Variants in TMEM59 observed in about 807,000 individuals in gnomAD.
The protein encoded by TMEM59 is dendritic cell factor 1.
Under a neutral mutation model 42.2 loss-of-function variants are expected in TMEM59, and 44 were observed. The observed-to-expected ratio is 1.04, with a 90% CI of 0.82 to 1.34. The LOEUF (loss-of-function observed/expected upper bound fraction) is 1.34. Among genes scored for constraint, TMEM59 ranks in the 40% most tolerant of loss-of-function variants. The pLI, the probability that TMEM59 is intolerant of heterozygous loss-of-function variation, is 0.00. For missense variants in TMEM59, 359 were observed against 382.8 expected (o/e 0.94, Z 0.52); for synonymous variants, 148 against 145.8 (o/e 1.02, Z -0.11).
rs1656646164 is a variant in TMEM59 at position 54,027,766 on chromosome 1, G to C, written c.*4384C>G. The C allele has an allele frequency of 7.0e-6, 1 of 143,630 alleles. No individual in the cohort carries two copies. Among genetic ancestry groups the C allele is most frequent in the Non-Finnish European group, 1.5e-5 (1 of 67,620 alleles). The allele number at this position is 143,630 out of a possible 1,614,324, so 8.9% of individuals were successfully genotyped here. ...AGCCTGAGTAACAGTGTGAGACTCT[G>C]TCTCAAAAAAAAAAAAAGTGAAATA... On this transcript the variant is annotated 3_prime_UTR_variant, in exon 8 of 8. Transcript: ENST00000234831.
intron 7 of TMEM59, among the ~76,000 whole-genome samples, chr1:54,032,887 T>C (rs1466554252): frequency 6.6e-6 from 1 of 151,124 alleles, no homozygotes; most frequent in Non-Finnish European, 1.5e-5. Flanking sequence ...CTTTTGAGAG[T>C]AGGTAGACTT....
chr1:54,040,901 A>T, intron 5 of TMEM59, 64 bp from the exon 6 acceptor site: 1 of 1,250,768 alleles, frequency 8.0e-7, no homozygotes, highest in Non-Finnish European at 1.2e-6. Flanking sequence ...TCACATGACT[A>T]CTTCTAGATA....
intron 1 of TMEM59, among the ~76,000 whole-genome samples, chr1:54,049,646 T>C (rs898514251): frequency 5.3e-5 from 8 of 152,168 alleles, no homozygotes; most frequent in African/African-American, 1.9e-4. Context: ...TTCCACCATA[T>C]GAAATACCAG....
Position 54,053,080 on chromosome 1 carries a change from C to G in TMEM59, c.109G>C (p.Ala37Pro). The change falls in exon 1 of 8, where the codon GCA becomes CCA. Residue 37 changes from alanine to proline, a missense_variant. Coordinates refer to ENST00000234831, the MANE Select transcript of TMEM59 (RefSeq NM_004872.5). ...GTATCACCCAAGACCGAGTCAAATG[C>G]TTCAGCCGAAGCGGTCCCCGAACCT... is the stretch of plus-strand genomic sequence containing the variant. ...AGGSGTASAEAFDSVLGDTAS... is the reference protein window; with the variant it reads ...AGGSGTASAEPFDSVLGDTAS... 6.2e-7 allele frequency: 1 copy of G among 1,614,246 alleles called. No homozygotes were observed. The highest frequency in any genetic ancestry group is 8.5e-7 in the Non-Finnish European group (1 of 1,180,044).
At position 54,040,749 on chromosome 1, in the gene TMEM59, T is replaced by C. The variant is rs759632229; in HGVS notation, c.707+7A>G. 5.6e-6 allele frequency: 9 copies of C among 1,605,196 alleles called. No individual in the cohort carries two copies. In the East Asian group the frequency reaches 1.8e-4, roughly 32 times the overall value. ...CTGTTATACACATAATAAAGAGGAA[T>C]ACATACAGAGAGAGGCATCTTAAAA... On this transcript the variant is annotated splice_region_variant and intron_variant, in intron 6 of 7. Coordinates refer to ENST00000234831, the MANE Select transcript of TMEM59 (RefSeq NM_004872.5).
intron 7 of TMEM59, among the ~76,000 whole-genome samples, chr1:54,035,750 T>C (rs1186929697): frequency 1.3e-5 from 2 of 152,070 alleles, no homozygotes; most frequent in African/African-American, 2.4e-5. Flanking sequence ...GTAGCTGGGA[T>C]CACGGGCACG....
chr1:54,036,890 T>C lies in TMEM59; in HGVS notation c.708-172A>G, dbSNP rs937624458. ...AAGGAAATATTATACTAATAGCTAT[T>C]ACATTAGGTTGGCATAAAGTCTTTT... is the stretch of plus-strand genomic sequence containing the variant. On this transcript the variant is annotated intron_variant, in intron 6 of 7. Coordinates refer to ENST00000234831, the MANE Select transcript of TMEM59 (RefSeq NM_004872.5). 2.9e-5 allele frequency: 11 copies of C among 382,348 alleles called. No homozygotes were observed. In the Admixed American group the frequency reaches 4.4e-4, roughly 15 times the overall value. The allele number at this position is 382,348 out of a possible 1,614,324, so 23.7% of individuals were successfully genotyped here.
chr1:54,044,906 C>T (rs1340436677), intron 3 of TMEM59: 1 of 152,106 alleles, frequency 6.6e-6, no homozygotes, highest in Non-Finnish European at 1.5e-5. Flanking sequence ...CTTGTATACG[C>T]ATAACATATC....
At position 54,029,554 on chromosome 1, in the gene TMEM59, G is replaced by A. The variant is rs1189160641; in HGVS notation, c.*2596C>T. The A allele has an allele frequency of 6.6e-6, 1 of 152,122 alleles. No homozygotes were observed. Among genetic ancestry groups the A allele is most frequent in the Admixed American group, 6.5e-5 (1 of 15,268 alleles). The allele number at this position is 152,122 out of a possible 1,614,324, so 9.4% of individuals were successfully genotyped here. ...AAGTAAAGTTAGGCACATCCAAGAAGGGCAAAACTGTTACTTTAGGAGAAG... is the reference window on the plus strand; with the variant it reads ...AAGTAAAGTTAGGCACATCCAAGAAAGGCAAAACTGTTACTTTAGGAGAAG... On this transcript the variant is annotated 3_prime_UTR_variant, in exon 8 of 8. Coordinates refer to ENST00000234831, the MANE Select transcript of TMEM59 (RefSeq NM_004872.5).
intron 7 of TMEM59, chr1:54,034,471 A>C (rs1290587779): frequency 2.0e-5 from 3 of 152,270 alleles, no homozygotes; most frequent in Non-Finnish European, 4.4e-5. Flanking sequence ...CCAGTATGAG[A>C]GTAGCTTTAA....
intron 2 of TMEM59, among the ~76,000 whole-genome samples, chr1:54,046,355 G>C (rs1017207352): frequency 6.6e-6 from 1 of 152,158 alleles, no homozygotes; most frequent in African/African-American, 2.4e-5. Flanking sequence ...GAAAGTCTAA[G>C]AAAATTGAAC....
Position 54,032,222 on chromosome 1 carries a change from T to G in TMEM59, c.900A>C (p.Arg300Ser), listed in dbSNP as rs139391660. The change falls in exon 8 of 8, where the codon AGA becomes AGC. Residue 300 changes from arginine (R) to serine (S), a missense_variant. By Grantham distance (110) the Arg-to-Ser change is moderately radical. Coordinates refer to ENST00000234831, the MANE Select transcript of TMEM59 (RefSeq NM_004872.5). ...RYPASSLVVV[R>S]SKTEDHEEAG... The stretch of plus-strand genomic sequence containing the variant: ...CTTCTTCATGATCTTCAGTTTTAGA[T>G]CTAACAACCACAAGAGAAGAAGCTG... The G allele has an allele frequency of 6.2e-7, 1 of 1,613,324 alleles. No individual in the cohort carries two copies. The highest frequency in any genetic ancestry group is 1.3e-5 in the African/African-American group (1 of 74,914).
At chr1:54,032,480 T>C (rs1221304564) in intron 7 of TMEM59, among the ~76,000 whole-genome samples, 175 bp from the exon 8 acceptor site, 1 of 152,236 alleles carries the variant, frequency 6.6e-6, no homozygotes, top group Non-Finnish European at 1.5e-5. Context: ...CAGCTCCCAA[T>C]GGATGGCCAA....
intron 4 of TMEM59, among the ~76,000 whole-genome samples, chr1:54,042,480 G>A (rs1335944122): frequency 1.3e-5 from 2 of 152,170 alleles, no homozygotes; most frequent in African/African-American, 2.4e-5. Flanking sequence ...AATTTAAAGA[G>A]AAAATTCCTG....
At chr1:54,043,305 C>T (rs1182482948) in intron 4 of TMEM59, 68 bp downstream of exon 4, 21 of 1,278,256 alleles carry the variant, frequency 1.6e-5, no homozygotes, top group Non-Finnish European at 2.2e-5. Flanking sequence ...TATGCTGAAA[C>T]ACTCATTTAA....
chr1:54,040,745 G>A lies in TMEM59; in HGVS notation c.707+11C>T, dbSNP rs760434485. On this transcript the variant is annotated intron_variant, in intron 6 of 7. Coordinates refer to ENST00000234831, the MANE Select transcript of TMEM59 (RefSeq NM_004872.5). The stretch of plus-strand genomic sequence containing the variant: ...TTATCTGTTATACACATAATAAAGA[G>A]GAATACATACAGAGAGAGGCATCTT... 2 of 1,599,758 alleles carry A rather than the reference G, an allele frequency of 1.3e-6. No homozygotes were observed. The highest frequency in any genetic ancestry group is 1.7e-5 in the Admixed American group (1 of 59,936).
Position 54,032,075 on chromosome 1 carries a change from T to C in TMEM59, c.*75A>G. 7.1e-7 allele frequency: 1 copy of C among 1,403,008 alleles called. No homozygotes were observed. Among genetic ancestry groups the C allele is most frequent in the Non-Finnish European group, 9.5e-7 (1 of 1,051,452 alleles). The allele number at this position is 1,403,008 out of a possible 1,614,324, so 86.9% of individuals were successfully genotyped here. On this transcript the variant is annotated 3_prime_UTR_variant, in exon 8 of 8. Transcript: ENST00000234831. ...GTGATTTCTTAAGGCCTATATCCAA[T>C]GAAACCATTTTAAAAGCTCTATGAG... is the stretch of plus-strand genomic sequence containing the variant.
Position 54,047,228 on chromosome 1 carries a change from A to G in TMEM59, c.295+39T>C, listed in dbSNP as rs372696367. 3 of 1,515,110 alleles carry G rather than the reference A, an allele frequency of 2.0e-6. No individual in the cohort carries two copies. In the African/African-American group the frequency reaches 4.2e-5, roughly 21 times the overall value. 93.9% of individuals were successfully genotyped at this position (1,515,110 alleles called of 1,614,324 possible). The stretch of plus-strand genomic sequence containing the variant: ...TCAAAAGCTTATCACAAAGAAAACA[A>G]TGTTACATACAGCTGATGTCGTTAG... On this transcript the variant is annotated intron_variant, in intron 2 of 7. Coordinates refer to ENST00000234831, the MANE Select transcript of TMEM59 (RefSeq NM_004872.5).
At chr1:54,053,559 C>T (rs879819441), upstream of TMEM59, 14 of 234,506 alleles carry the variant, frequency 6.0e-5, no homozygotes, top group African/African-American at 1.6e-4. Context: ...GCGCCTTCCG[C>T]CCGCATTTCT....
Sources: gnomAD v4.1 joint callset for allele counts (sites outside exome capture counted in the v4.1 genomes callset) on GRCh38, gnomAD v4.1.1 for gene constraint, MANE v1.5 for transcripts, NCBI Gene and HGNC (gene_info 2026-07-23, HGNC 2026-07-21) for gene names.